The following POTED variants were observed in gnomAD, a reference collection of about 807,000 sequenced individuals.
POTED encodes ANKRD26-like family B member 3.
In POTED, 7 loss-of-function variants were observed where a neutral mutation model predicts 19.0. That is an observed-to-expected ratio of 0.37 (90% CI 0.21 to 0.69). The LOEUF (loss-of-function observed/expected upper bound fraction) is 0.69. Among genes scored for constraint, POTED ranks in the 30% least tolerant of loss-of-function variants. The probability of loss-of-function intolerance (pLI) is 0.56; values close to 1 mark genes in which losing one functional copy is unlikely to be tolerated. For missense variants in POTED, 54 were observed against 278.5 expected, an observed-to-expected ratio of 0.19 and a Z score of 5.74; for synonymous variants, 16 against 92.0, an observed-to-expected ratio of 0.17 and a Z score of 4.73.
At chr21:13,637,004 A>ATATATATATATATATATATATATAT (rs1481200854) in intron 9 of POTED, among the ~76,000 whole-genome samples, 5 of 16,458 alleles carry the variant, frequency 3.0e-4, no homozygotes, top group Non-Finnish European at 4.9e-4. Flanking sequence ...ATATATATAT[A>ATATATATATATATATATATATATAT]TTTTTTTTTT....
At position 13,633,386 on chromosome 21, in the gene POTED, CATTTT is replaced by C. The variant is rs1158365086; in HGVS notation, c.1409+2284_1409+2288del. ...TAATCTAGGCACTTTTCTTCCACCT[CATTTT>C]ATTTAATCTGTCAGCAATATTTGAG... is the stretch of plus-strand genomic sequence containing the variant. On this transcript the variant is annotated intron_variant, in intron 9 of 10. Coordinates refer to ENST00000299443, the MANE Select transcript of POTED (RefSeq NM_174981.6). Among the ~76,000 whole-genome samples, 2 of 64,094 alleles carry C rather than the reference CATTTT, an allele frequency of 3.1e-5. 1 individual carries two copies. The allele number at this position is 64,094 out of a possible 152,430, so 42.0% of individuals were successfully genotyped here.
intron 4 of POTED, among the ~76,000 whole-genome samples, chr21:13,619,057 GA>G (rs2011164189): frequency 1.7e-5 from 1 of 58,176 alleles, no homozygotes; most frequent in African/African-American, 1.3e-4. Flanking sequence ...GAGAGGGAGT[GA>G]AGATAGTTTT....
chr21:13,627,653 G>C (rs1181488290), intron 6 of POTED, among the ~76,000 whole-genome samples: 5 of 40,348 alleles, frequency 1.2e-4, no homozygotes, highest in Non-Finnish European at 2.0e-4. Flanking sequence ...GTGCACACCA[G>C]CTCAGCGGAT....
chr21:13,645,111 C>A lies in POTED; in HGVS notation c.*3545C>A, dbSNP rs1285034300. The stretch of plus-strand genomic sequence containing the variant: ...TATGGGATTATATAAACGACCAAAT[C>A]TATGACTGATTAATGTACCTGAAAG... On this transcript the variant is annotated 3_prime_UTR_variant, in exon 11 of 11. Coordinates refer to ENST00000299443, the MANE Select transcript of POTED (RefSeq NM_174981.6). Among the ~76,000 whole-genome samples, 13 of 128,056 alleles carry A rather than the reference C, an allele frequency of 1.0e-4. 1 individual carries two copies. The highest frequency in any genetic ancestry group is 9.7e-4 in the Admixed American group (13 of 13,388). The allele number at this position is 128,056 out of a possible 152,430, so 84.0% of individuals were successfully genotyped here.
Position 13,637,817 on chromosome 21 carries a change from C to CT in POTED, c.1410-1691dup, listed in dbSNP as rs943838285. 9.0e-5 allele frequency among the ~76,000 whole-genome samples: 4 copies of CT among 44,454 alleles called. 1 individual carries two copies. The highest frequency in any genetic ancestry group is 2.1e-4 in the African/African-American group (1 of 4,688). The allele number at this position is 44,454 out of a possible 152,430, so 29.2% of individuals were successfully genotyped here. A position where few individuals can be genotyped will look rare whatever the true frequency, so the allele number is the denominator to read the frequency against. ...ATTTTATTCTTCTATATGTGACTAT[C>CT]TTTTTTTCCCAGCACCATTTGTTGA... is the stretch of plus-strand genomic sequence containing the variant. On this transcript the variant is annotated intron_variant, in intron 9 of 10. Transcript: ENST00000299443.
chr21:13,631,195 T>A, intron 9 of POTED, 88 bp downstream of exon 9: 1 of 814,968 alleles, frequency 1.2e-6, no homozygotes, highest in South Asian at 2.4e-5. Context: ...GAACAAATTT[T>A]ATACTTTTAC....
rs1312818415 is a variant in POTED at position 13,644,168 on chromosome 21, C to G, written c.*2602C>G. ...CACTGGGTGAATGCCCACAGGGAGG[C>G]AGGGACTTTTGCATCTGGTAGCATT... is the stretch of plus-strand genomic sequence containing the variant. On this transcript the variant is annotated 3_prime_UTR_variant, in exon 11 of 11. Coordinates refer to ENST00000299443, the MANE Select transcript of POTED (RefSeq NM_174981.6). Among the ~76,000 whole-genome samples the G allele has an allele frequency of 2.5e-5, 2 of 80,366 alleles. 1 individual carries two copies. The highest frequency in any genetic ancestry group is 2.1e-4 in the Admixed American group (2 of 9,550). 52.7% of individuals were successfully genotyped at this position (80,366 alleles called of 152,430 possible). A position where few individuals can be genotyped will look rare whatever the true frequency, so the allele number is the denominator to read the frequency against.
At chr21:13,640,505 C>G (rs2821994) in intron 10 of POTED, among the ~76,000 whole-genome samples, 2,364 of 79,538 alleles carry the variant, frequency 0.03, 595 homozygotes, top group African/African-American at 0.092. Flanking sequence ...GGCAAAAATC[C>G]TGCACGTTGC....
At position 13,640,474 on chromosome 21, in the gene POTED, A is replaced by G. The variant is rs1421461170; in HGVS notation, c.1533+836A>G. 1.7e-4 allele frequency among the ~76,000 whole-genome samples: 14 copies of G among 83,360 alleles called. 4 individuals are homozygous for G. The highest frequency in any genetic ancestry group is 2.8e-4 in the Non-Finnish European group (13 of 46,420). 54.7% of individuals were successfully genotyped at this position (83,360 alleles called of 152,430 possible). A position where few individuals can be genotyped will look rare whatever the true frequency, so the allele number is the denominator to read the frequency against. On this transcript the variant is annotated intron_variant, in intron 10 of 10. Transcript: ENST00000299443. Reference sequence around the variant, plus strand: ...AACTGTGATTTTGTGGAGGATCACTAGCAGTAGCATCAGAAGACCTGGCAA... The same window carrying G: ...AACTGTGATTTTGTGGAGGATCACTGGCAGTAGCATCAGAAGACCTGGCAA...
At chr21:13,619,318 T>C in intron 4 of POTED, among the ~76,000 whole-genome samples, 1 of 57,306 alleles carries the variant, frequency 1.7e-5, no homozygotes, top group Non-Finnish European at 3.0e-5. Flanking sequence ...TACCTAATGC[T>C]AGATGACGAG....
chr21:13,626,594 T>A (rs1254687142), intron 6 of POTED, among the ~76,000 whole-genome samples: 1 of 100,830 alleles, frequency 9.9e-6, no homozygotes, highest in Non-Finnish European at 1.9e-5. Flanking sequence ...ACATAAGGCT[T>A]TCATAATCTG....
In POTED at chr21:13,643,443, G is replaced by A. The variant is rs1464692979; in HGVS notation, c.*1877G>A. Among the ~76,000 whole-genome samples, 10 of 72,166 alleles carry A rather than the reference G, an allele frequency of 1.4e-4. 5 individuals carry two copies. Among genetic ancestry groups the A allele is most frequent in the African/African-American group, 9.5e-4 (8 of 8,416 alleles). 47.3% of individuals were successfully genotyped at this position (72,166 alleles called of 152,430 possible). A position where few individuals can be genotyped will look rare whatever the true frequency, so the allele number is the denominator to read the frequency against. On this transcript the variant is annotated 3_prime_UTR_variant, in exon 11 of 11. Coordinates refer to ENST00000299443, the MANE Select transcript of POTED (RefSeq NM_174981.6). ...CAGATCAGGTCTAAGAGTTCTCTTC[G>A]TAAAAAAGGGGACTTGCTTAAAAAA...
In POTED at chr21:13,610,769, G is replaced by C. The variant is rs1371538641; in HGVS notation, c.521+20G>C. ...AAAGAGGTAACCGGGCCTGGGATGGGAGGAGGCAGGACATGGGGGGATGAT... is the reference window on the plus strand; with the variant it reads ...AAAGAGGTAACCGGGCCTGGGATGGCAGGAGGCAGGACATGGGGGGATGAT... On this transcript the variant is annotated intron_variant, in intron 1 of 10. Transcript: ENST00000299443. 10 of 1,073,462 alleles carry C rather than the reference G, an allele frequency of 9.3e-6. 3 individuals carry two copies. Among genetic ancestry groups the C allele is most frequent in the Non-Finnish European group, 1.2e-5 (10 of 830,632 alleles). 66.5% of individuals were successfully genotyped at this position (1,073,462 alleles called of 1,614,324 possible).
rs2011186665 is a variant in POTED at position 13,626,556 on chromosome 21, C to T, written c.1127-1826C>T. Among the ~76,000 whole-genome samples, 3 of 103,170 alleles carry T rather than the reference C, an allele frequency of 2.9e-5. 1 individual carries two copies. Among genetic ancestry groups the T allele is most frequent in the East Asian group, 4.3e-4 (1 of 2,300 alleles). The allele number at this position is 103,170 out of a possible 152,430, so 67.7% of individuals were successfully genotyped here. ...GATAGGACCAGGGACCACTCTTGAA[C>T]GTTAATGTCTAAGCATCTTAAAAGT... is the stretch of plus-strand genomic sequence containing the variant. On this transcript the variant is annotated intron_variant, in intron 6 of 10. Coordinates refer to ENST00000299443, the MANE Select transcript of POTED (RefSeq NM_174981.6).
At chr21:13,625,330 CT>C (rs1445092416) in intron 6 of POTED, 1 of 1,646 alleles carries the variant, frequency 6.1e-4, no homozygotes, top group East Asian at 0.021. Flanking sequence ...TCCTATAAAA[CT>C]TTATTTACAA....
intron 1 of POTED, among the ~76,000 whole-genome samples, chr21:13,614,093 T>G (rs1409261181): frequency 5.6e-5 from 6 of 106,232 alleles, no homozygotes; most frequent in Middle Eastern, 5.6e-3. Flanking sequence ...TGAGAAAAGC[T>G]CCACAAATAG....
chr21:13,626,193 C>T (rs2821983), intron 6 of POTED, among the ~76,000 whole-genome samples: 1 of 65,592 alleles, frequency 1.5e-5, no homozygotes, highest in Non-Finnish European at 2.5e-5. Context: ...TTTATGGACT[C>T]GGTAGGAAGA....
chr21:13,610,764 G>A lies in POTED; in HGVS notation c.521+15G>A. ...AAGGAAAAGAGGTAACCGGGCCTGG[G>A]ATGGGAGGAGGCAGGACATGGGGGG... On this transcript the variant is annotated intron_variant, in intron 1 of 10. Coordinates refer to ENST00000299443, the MANE Select transcript of POTED (RefSeq NM_174981.6). The A allele has an allele frequency of 9.3e-7, 1 of 1,073,674 alleles. No homozygotes were observed. The highest frequency in any genetic ancestry group is 1.6e-5 in the South Asian group (1 of 62,824). The allele number at this position is 1,073,674 out of a possible 1,614,324, so 66.5% of individuals were successfully genotyped here.
chr21:13,610,754 C>T lies in POTED; in HGVS notation c.521+5C>T. The T allele has an allele frequency of 9.3e-7, 1 of 1,073,896 alleles. No individual in the cohort carries two copies. Among genetic ancestry groups the T allele is most frequent in the South Asian group, 1.6e-5 (1 of 62,808 alleles). 66.5% of individuals were successfully genotyped at this position (1,073,896 alleles called of 1,614,324 possible). A position where few individuals can be genotyped will look rare whatever the true frequency, so the allele number is the denominator to read the frequency against. On this transcript the variant is annotated splice_donor_5th_base_variant and intron_variant, in intron 1 of 10. Coordinates refer to ENST00000299443, the MANE Select transcript of POTED (RefSeq NM_174981.6). ...CAAGAGGGACAAGGAAAAGAGGTAA[C>T]CGGGCCTGGGATGGGAGGAGGCAGG...
Sources: allele counts gnomAD v4.1 joint callset (sites outside exome capture counted in the v4.1 genomes callset), GRCh38; gene constraint gnomAD v4.1.1; transcripts MANE v1.5; gene names NCBI Gene and HGNC (gene_info 2026-07-23, HGNC 2026-07-21).